Variants in ANKS1B observed in about 807,000 individuals in gnomAD.
The protein encoded by ANKS1B is ankyrin repeat and sterile alpha motif domain-containing protein 1B.
In ANKS1B, 36 loss-of-function variants were observed where a neutral mutation model predicts 148.3. The ratio of observed to expected loss-of-function variants is 0.24; its 90% CI spans 0.19 to 0.32. The LOEUF (loss-of-function observed/expected upper bound fraction) is 0.32. ANKS1B is among the 10% of genes least tolerant of loss of function. The probability of loss-of-function intolerance (pLI) is 1.00; values close to 1 mark genes in which losing one functional copy is unlikely to be tolerated. For synonymous variants in ANKS1B, 542 were observed against 560.8 expected, an observed-to-expected ratio of 0.97 and a Z score of 0.47; for missense variants, 1,157 against 1,542.6, an observed-to-expected ratio of 0.75 and a Z score of 4.19.
chr12:99,382,847 C>G (rs1383848885), intron 12 of ANKS1B, among the ~76,000 whole-genome samples: 1 of 152,058 alleles, frequency 6.6e-6, no homozygotes, highest in Non-Finnish European at 1.5e-5. Context: ...GATACCTTCC[C>G]ATCATGGAAT....
chr12:98,976,796 A>G (rs1240256682), intron 17 of ANKS1B: 2 of 152,264 alleles, frequency 1.3e-5, no homozygotes, highest in African/African-American at 2.4e-5. Flanking sequence ...ATTTCAATAA[A>G]TAGCAGAACG....
Position 99,410,742 on chromosome 12 carries a change from G to A in ANKS1B, c.1576-10931C>T, listed in dbSNP as rs1008485679. ...AGGAGGTAAAGTTGAACAGACACAG[G>A]AACGACTGTGATTGAATCAGGGAAC... On this transcript the variant is annotated intron_variant, in intron 11 of 26. Coordinates refer to ENST00000683438, the MANE Select transcript of ANKS1B (RefSeq NM_001352186.2). Among the ~76,000 whole-genome samples the A allele has an allele frequency of 2.0e-5, 3 of 152,180 alleles. No homozygotes were observed. In the South Asian group the frequency reaches 6.2e-4, roughly 31 times the overall value.
rs980611876 is a variant in ANKS1B at position 99,984,293 on chromosome 12, C to G, written c.-56G>C. ...TGCCCCCCTCGGGTCCTCCTCCCCA[C>G]CCACCCCCACTCCCCAAAATCCAGG... On this transcript the variant is annotated 5_prime_UTR_variant, in exon 1 of 27. Coordinates refer to ENST00000683438, the MANE Select transcript of ANKS1B (RefSeq NM_001352186.2). The G allele has an allele frequency of 6.6e-7, 1 of 1,506,082 alleles. No homozygotes were observed. The highest frequency in any genetic ancestry group is 1.3e-5 in the South Asian group (1 of 79,410). The allele number at this position is 1,506,082 out of a possible 1,614,324, so 93.3% of individuals were successfully genotyped here.
intron 17 of ANKS1B, among the ~76,000 whole-genome samples, chr12:98,902,165 G>A (rs1045981497): frequency 6.6e-6 from 1 of 152,200 alleles, no homozygotes; most frequent in African/African-American, 2.4e-5. Flanking sequence ...CCAGTCTTCT[G>A]AATTAAAACC....
At chr12:98,752,405 C>T (rs112574844) in intron 25 of ANKS1B, among the ~76,000 whole-genome samples, 244 of 152,084 alleles carry the variant, frequency 1.6e-3, no homozygotes, top group African/African-American at 5.6e-3. Context: ...ACTACAGGCA[C>T]GTGCCACCAC....
At chr12:98,986,924 T>C (rs530672704) in intron 17 of ANKS1B, among the ~76,000 whole-genome samples, 13 of 152,214 alleles carry the variant, frequency 8.5e-5, no homozygotes, top group African/African-American at 3.1e-4. Flanking sequence ...TGGCTGACCT[T>C]TTAAGACTAG....
At chr12:99,648,583 C>G in intron 9 of ANKS1B, 1 of 1,614,174 alleles carries the variant, frequency 6.2e-7, no homozygotes. Flanking sequence ...CGTAAAAAAA[C>G]AGCTCCACCT....
chr12:98,861,259 A>G (rs888622247), intron 17 of ANKS1B, among the ~76,000 whole-genome samples: 1 of 152,218 alleles, frequency 6.6e-6, no homozygotes, highest in Non-Finnish European at 1.5e-5. Flanking sequence ...TCAGGCTCCA[A>G]TCTTGATTTT....
chr12:99,336,615 G>A (rs1433097213), intron 12 of ANKS1B, among the ~76,000 whole-genome samples: 1 of 151,978 alleles, frequency 6.6e-6, no homozygotes, highest in Non-Finnish European at 1.5e-5. Context: ...ATCATTTATT[G>A]AAGAGGCTGT....
intron 9 of ANKS1B, among the ~76,000 whole-genome samples, chr12:99,607,662 G>A (rs1378172697): frequency 6.6e-6 from 1 of 152,062 alleles, no homozygotes; most frequent in Admixed American, 6.6e-5. Context: ...CAGATGGCTA[G>A]AGCTTTTTAC....
intron 16 of ANKS1B, among the ~76,000 whole-genome samples, chr12:99,058,455 C>T (rs1163714419): frequency 6.6e-6 from 1 of 151,756 alleles, no homozygotes; most frequent in East Asian, 1.9e-4. Flanking sequence ...CACCGTGTTG[C>T]CCAGGCTGGT....
intron 12 of ANKS1B, among the ~76,000 whole-genome samples, chr12:99,307,423 TG>T (rs2082511418): frequency 6.6e-6 from 1 of 151,530 alleles, no homozygotes; most frequent in Non-Finnish European, 1.5e-5. Flanking sequence ...CCCAAGAGAG[TG>T]GGTGAAACTC....
chr12:99,983,657 C>T (rs2095741260), intron 1 of ANKS1B, among the ~76,000 whole-genome samples: 1 of 152,170 alleles, frequency 6.6e-6, no homozygotes, highest in Admixed American at 6.5e-5. Flanking sequence ...ACGCCTTCTG[C>T]AAGAGAAGGT....
chr12:99,193,946 C>T (rs1008808723), intron 14 of ANKS1B, among the ~76,000 whole-genome samples: 4 of 151,462 alleles, frequency 2.6e-5, no homozygotes, highest in East Asian at 1.9e-4. Context: ...GGACTATAGG[C>T]GCATGCCCCC....
intron 10 of ANKS1B, among the ~76,000 whole-genome samples, chr12:99,444,120 C>G (rs1285034236): frequency 6.6e-6 from 1 of 151,818 alleles, no homozygotes; most frequent in Non-Finnish European, 1.5e-5. Context: ...TAACTAAAAC[C>G]TTACCTTAAC....
chr12:99,501,754 C>T (rs2096658129), intron 10 of ANKS1B, among the ~76,000 whole-genome samples: 1 of 152,162 alleles, frequency 6.6e-6, no homozygotes, highest in Admixed American at 6.5e-5. Context: ...AGTTCATTAG[C>T]AGGTTCAGTA....
intron 17 of ANKS1B, among the ~76,000 whole-genome samples, chr12:98,921,227 C>T (rs912776219): frequency 6.6e-6 from 1 of 152,094 alleles, no homozygotes; most frequent in African/African-American, 2.4e-5. Flanking sequence ...GGAGCAATTA[C>T]CACAAGTTAG....
chr12:99,037,997 C>T (rs1328040888), intron 17 of ANKS1B, among the ~76,000 whole-genome samples: 1 of 152,138 alleles, frequency 6.6e-6, no homozygotes, highest in Non-Finnish European at 1.5e-5. Flanking sequence ...AGGCCGGCTG[C>T]TTGATGTAAT....
chr12:99,884,709 G>A (rs2092727937), intron 1 of ANKS1B, among the ~76,000 whole-genome samples: 1 of 152,094 alleles, frequency 6.6e-6, no homozygotes, highest in South Asian at 2.1e-4. Context: ...CAGGGACAGA[G>A]AAAAGATCAG....
Sources: allele counts gnomAD v4.1 joint callset (sites outside exome capture counted in the v4.1 genomes callset), GRCh38; gene constraint gnomAD v4.1.1; transcripts MANE v1.5; gene names NCBI Gene and HGNC (gene_info 2026-07-23, HGNC 2026-07-21).